The following CPED1 variants were observed in gnomAD, a reference collection of about 807,000 sequenced individuals.
CPED1 encodes the protein cadherin-like and PC-esterase domain-containing protein 1.
In CPED1, 114 loss-of-function variants were observed where a neutral mutation model predicts 128.2. The ratio of observed to expected loss-of-function variants is 0.89; its 90% CI spans 0.76 to 1.04. The LOEUF is 1.04. Among genes scored for constraint, CPED1 ranks in the 50% least tolerant of loss-of-function variants. The probability of loss-of-function intolerance (pLI) is 0.00; values close to 1 mark genes in which losing one functional copy is unlikely to be tolerated. For synonymous variants in CPED1, 462 were observed against 426.7 expected, an observed-to-expected ratio of 1.08 and a Z score of -1.02; for missense variants, 1,211 against 1,207.1, an observed-to-expected ratio of 1.00 and a Z score of -0.05.
At chr7:121,203,416 T>A (rs1035917024) in intron 16 of CPED1, among the ~76,000 whole-genome samples, 1 of 152,260 alleles carries the variant, frequency 6.6e-6, no homozygotes, top group Admixed American at 6.5e-5. Flanking sequence ...ATAATCTTTA[T>A]CTTTGTGACT....
At chr7:121,294,971 G>GA (rs1792793661) in intron 22 of CPED1, among the ~76,000 whole-genome samples, 1 of 151,982 alleles carries the variant, frequency 6.6e-6, no homozygotes, top group African/African-American at 2.4e-5. Context: ...GTCTGCAATG[G>GA]AAAAAAATTT....
chr7:121,006,703 G>A (rs983317060), intron 2 of CPED1, among the ~76,000 whole-genome samples: 1 of 151,990 alleles, frequency 6.6e-6, no homozygotes, highest in Non-Finnish European at 1.5e-5. Flanking sequence ...CAGACATAAT[G>A]AAGGAAACTG....
At chr7:121,080,033 A>G (rs1213700041) in intron 5 of CPED1, among the ~76,000 whole-genome samples, 2 of 152,210 alleles carry the variant, frequency 1.3e-5, no homozygotes, top group African/African-American at 2.4e-5. Context: ...ACTCACGTAG[A>G]TGGTAAACAT....
At chr7:121,258,376 A>C (rs182247692) in intron 18 of CPED1, among the ~76,000 whole-genome samples, 62 of 152,232 alleles carry the variant, frequency 4.1e-4, no homozygotes, top group African/African-American at 1.3e-3. Context: ...CAATAATTGC[A>C]ATAGTAGAAA....
rs2908569 is a variant in CPED1 at position 121,050,863 on chromosome 7, C to G, written c.540+3870C>G. On this transcript the variant is annotated intron_variant, in intron 4 of 22. Coordinates refer to ENST00000310396, the MANE Select transcript of CPED1 (RefSeq NM_024913.5). The stretch of plus-strand genomic sequence containing the variant: ...CCCAGCTTCGCGAAGGCTCTCGGTA[C>G]GATGAGGCCTGCAGGCACCTGGCAC... 4.7e-3 allele frequency: 2,234 copies of G among 473,066 alleles called. 38 individuals carry two copies. Among genetic ancestry groups the G allele is most frequent in the African/African-American group, 0.038 (1,933 of 50,414 alleles). 29.3% of individuals were successfully genotyped at this position (473,066 alleles called of 1,614,324 possible). A position where few individuals can be genotyped will look rare whatever the true frequency, so the allele number is the denominator to read the frequency against.
chr7:121,062,098 A>G (rs1489192165), intron 4 of CPED1, among the ~76,000 whole-genome samples: 1 of 152,202 alleles, frequency 6.6e-6, no homozygotes, highest in East Asian at 1.9e-4. Context: ...GGATAGAACA[A>G]TTGTTTCCCT....
At chr7:121,213,572 T>G (rs1797695308) in intron 16 of CPED1, among the ~76,000 whole-genome samples, 1 of 151,996 alleles carries the variant, frequency 6.6e-6, no homozygotes, top group Non-Finnish European at 1.5e-5. Context: ...TAGATCACAA[T>G]CTATGCAATG....
intron 3 of CPED1, among the ~76,000 whole-genome samples, chr7:121,025,848 A>G (rs779132100): frequency 1.3e-5 from 2 of 152,148 alleles, no homozygotes; most frequent in South Asian, 2.1e-4. Context: ...TTTGTCTCCT[A>G]TGGGCAGAAT....
rs577282462 is a variant in CPED1, at chr7:121,046,725, GA to G, written c.434-160del. On this transcript the variant is annotated intron_variant, in intron 3 of 22. Transcript: ENST00000310396. Reference sequence around the variant, plus strand: ...TAGAAATTCCAAAATTTAAAAAGTTGAATTTTAGTTATTTTACTGACATTTT... The same window carrying G: ...TAGAAATTCCAAAATTTAAAAAGTTGATTTTAGTTATTTTACTGACATTTT... Among the ~76,000 whole-genome samples the G allele has an allele frequency of 9.2e-5, 14 of 152,058 alleles. No homozygotes were observed. The East Asian group carries it at 2.7e-3, about 29-fold the overall frequency.
intron 2 of CPED1, among the ~76,000 whole-genome samples, chr7:121,013,247 C>A (rs894437536): frequency 3.3e-5 from 5 of 152,180 alleles, no homozygotes; most frequent in Non-Finnish European, 5.9e-5. Flanking sequence ...TGTATTATTG[C>A]TAACATTTAT....
intron 16 of CPED1, among the ~76,000 whole-genome samples, chr7:121,171,478 T>C (rs975596915): frequency 6.6e-6 from 1 of 152,226 alleles, no homozygotes. Context: ...CTTTTATTCA[T>C]ATGATTGCAA....
chr7:120,990,925 A>G (rs1474473995), intron 2 of CPED1, among the ~76,000 whole-genome samples: 1 of 152,218 alleles, frequency 6.6e-6, no homozygotes, highest in Non-Finnish European at 1.5e-5. Context: ...GCCCTGTGAG[A>G]CAGGTACAGT....
At chr7:121,020,029 T>C (rs1164029833) in intron 3 of CPED1, among the ~76,000 whole-genome samples, 11 of 152,156 alleles carry the variant, frequency 7.2e-5, no homozygotes, top group African/African-American at 2.4e-4. Context: ...CATTTATGTA[T>C]ACTTGAAGAG....
chr7:121,089,130 C>T (rs939492095), intron 5 of CPED1, among the ~76,000 whole-genome samples: 3 of 152,132 alleles, frequency 2.0e-5, no homozygotes, highest in Non-Finnish European at 2.9e-5. Flanking sequence ...GGGAAAGAAC[C>T]TCAAGGCAAA....
chr7:121,295,498 A>G lies in CPED1; in HGVS notation c.2927A>G (p.Asn976Ser), dbSNP rs766801292. The change falls in exon 23 of 23, where the codon AAT becomes AGT. Residue 976 changes from asparagine (N) to serine (S), a missense_variant. Transcript: ENST00000310396. ...YNFIKMKRSR[N>S]HIMGRYFSNQ... The stretch of plus-strand genomic sequence containing the variant: ...TTTATTAAAATGAAAAGATCAAGAA[A>G]TCATATCATGGGAAGATATTTCAGC... 1 of 1,613,996 alleles carries G rather than the reference A, an allele frequency of 6.2e-7. No homozygotes were observed. Among genetic ancestry groups the G allele is most frequent in the South Asian group, 1.1e-5 (1 of 91,080 alleles).
rs192752806 is a variant in CPED1, at chr7:121,216,898, G to C, written c.2056-19816G>C. Among the ~76,000 whole-genome samples, 134 of 151,948 alleles carry C rather than the reference G, an allele frequency of 8.8e-4. 1 individual carries two copies. The highest frequency in any genetic ancestry group is 7.2e-3 in the Admixed American group (110 of 15,248). On this transcript the variant is annotated intron_variant, in intron 16 of 22. Coordinates refer to ENST00000310396, the MANE Select transcript of CPED1 (RefSeq NM_024913.5). ...TGTTCCAACATGGAATATGTTCTTTGGTTTGCTCAACTGTTACACTTTTTT... is the reference window on the plus strand; with the variant it reads ...TGTTCCAACATGGAATATGTTCTTTCGTTTGCTCAACTGTTACACTTTTTT...
intron 3 of CPED1, among the ~76,000 whole-genome samples, chr7:121,044,104 C>G (rs180873904): frequency 2.0e-5 from 3 of 152,248 alleles, no homozygotes; most frequent in African/African-American, 7.2e-5. Context: ...GATCTCTGCC[C>G]AGTTTCTACA....
chr7:121,183,312 G>C (rs1157734205), intron 16 of CPED1, among the ~76,000 whole-genome samples: 1 of 152,120 alleles, frequency 6.6e-6, no homozygotes, highest in East Asian at 1.9e-4. Context: ...TTGCTTCAAA[G>C]TTTTCAAAAC....
intron 7 of CPED1, among the ~76,000 whole-genome samples, chr7:121,106,111 G>T (rs563688479): frequency 6.6e-6 from 1 of 151,910 alleles, no homozygotes; most frequent in Non-Finnish European, 1.5e-5. Context: ...TTAATTAAAG[G>T]TACCTCATTA....
Sources: gnomAD v4.1 joint callset for allele counts (sites outside exome capture counted in the v4.1 genomes callset) on GRCh38, gnomAD v4.1.1 for gene constraint, MANE v1.5 for transcripts, NCBI Gene and HGNC (gene_info 2026-07-23, HGNC 2026-07-21) for gene names.